Variants in FCHO2 observed in about 807,000 individuals in gnomAD.
FCHO2 encodes the protein FCH and mu domain containing endocytic adaptor 2, also known as F-BAR domain only protein 2.
In FCHO2, 43 loss-of-function variants were observed where a neutral mutation model predicts 114.1. That is an observed-to-expected ratio of 0.38 (90% CI 0.30 to 0.49). The LOEUF is 0.49. Among genes scored for constraint, FCHO2 ranks in the 20% least tolerant of loss-of-function variants. The pLI, the probability that FCHO2 is intolerant of heterozygous loss-of-function variation, is 0.97. For synonymous variants in FCHO2, 293 were observed against 315.2 expected (o/e 0.93, Z 0.75); for missense variants, 807 against 950.4 (o/e 0.85, Z 1.98).
At chr5:73,003,155 T>A (rs1754535667) in intron 5 of FCHO2, among the ~76,000 whole-genome samples, 2 of 151,952 alleles carry the variant, frequency 1.3e-5, no homozygotes, top group Non-Finnish European at 2.9e-5. Flanking sequence ...CAGGTGTGTG[T>A]CACTGTGCCT....
At chr5:73,076,542 A>G (rs1333536682) in intron 20 of FCHO2, among the ~76,000 whole-genome samples, 2 of 152,222 alleles carry the variant, frequency 1.3e-5, no homozygotes, top group Non-Finnish European at 2.9e-5. Context: ...GAACAATCAC[A>G]TGAATGAAGT....
At chr5:72,992,840 G>A (rs755689266) in intron 5 of FCHO2, among the ~76,000 whole-genome samples, 10 of 152,082 alleles carry the variant, frequency 6.6e-5, no homozygotes, top group Non-Finnish European at 7.4e-5. Flanking sequence ...AAAACTGCTT[G>A]GGGATGGGTG....
chr5:73,029,828 T>G (rs1273448436), intron 8 of FCHO2, among the ~76,000 whole-genome samples: 1 of 152,156 alleles, frequency 6.6e-6, no homozygotes, highest in Non-Finnish European at 1.5e-5. Context: ...ACCAAGGGGA[T>G]GATGCTAAGC....
intron 17 of FCHO2, 125 bp from the exon 18 acceptor site, chr5:73,063,716 T>TA (rs34146559): frequency 2.5e-6 from 2 of 785,168 alleles, no homozygotes; most frequent in Non-Finnish European, 4.3e-6. Context: ...TAATTACATC[T>TA]AAAAAAAGAG....
chr5:73,037,682 C>T (rs1169934431), intron 10 of FCHO2: 2 of 322,384 alleles, frequency 6.2e-6, no homozygotes, highest in East Asian at 2.3e-4. Context: ...GAGAGAAAAG[C>T]CCTAACATTT....
intron 8 of FCHO2, among the ~76,000 whole-genome samples, chr5:73,020,372 T>C (rs1480019472): frequency 1.3e-5 from 2 of 152,230 alleles, no homozygotes; most frequent in Non-Finnish European, 2.9e-5. Context: ...CTTTGCTGGC[T>C]TGTTCTTGGC....
chr5:73,062,887 A>C (rs1490899479), intron 17 of FCHO2, among the ~76,000 whole-genome samples: 3 of 151,784 alleles, frequency 2.0e-5, no homozygotes, highest in Admixed American at 2.0e-4. Flanking sequence ...ATATATTTTT[A>C]ATTTTGTACA....
Position 73,046,120 on chromosome 5 carries a change from G to A in FCHO2, c.939+4805G>A, listed in dbSNP as rs183587651. Among the ~76,000 whole-genome samples, 629 of 152,152 alleles carry A rather than the reference G, an allele frequency of 4.1e-3. 4 individuals carry two copies. Among genetic ancestry groups the A allele is most frequent in the African/African-American group, 0.014 (595 of 41,490 alleles). On this transcript the variant is annotated intron_variant, in intron 11 of 25. Coordinates refer to ENST00000430046, the MANE Select transcript of FCHO2 (RefSeq NM_138782.3). ...TGATCTGTGGCCCAGGCTGGAGTGC[G>A]GTAGCACAATCCTAGCTTACCACAG...
rs369631939 is a variant in FCHO2, at chr5:73,083,054, GT to G, written c.2245+240del. Among the ~76,000 whole-genome samples the G allele has an allele frequency of 8.4e-3, 1,201 of 143,800 alleles. 13 individuals carry two copies. The highest frequency in any genetic ancestry group is 0.028 in the African/African-American group (1,118 of 39,360). The allele number at this position is 143,800 out of a possible 152,430, so 94.3% of individuals were successfully genotyped here. A position where few individuals can be genotyped will look rare whatever the true frequency, so the allele number is the denominator to read the frequency against. ...ACACCCAACTAATTTTTGTTTGTTT[GT>G]TTTTTTTTTTAGTAGAAACAGGGTT... On this transcript the variant is annotated intron_variant, in intron 24 of 25. Transcript: ENST00000430046.
At chr5:72,972,691 A>G (rs559685956) in intron 2 of FCHO2, among the ~76,000 whole-genome samples, 1 of 152,184 alleles carries the variant, frequency 6.6e-6, no homozygotes, top group African/African-American at 2.4e-5. Context: ...AATGCCCTTT[A>G]TTTCCTTCTC....
chr5:72,997,617 G>T, intron 5 of FCHO2: 1 of 1,425,342 alleles, frequency 7.0e-7, no homozygotes, highest in African/African-American at 1.4e-5. Context: ...GTGCTGAGCC[G>T]CAACCTTCAC....
At chr5:72,984,013 A>T (rs572589072) in intron 2 of FCHO2, among the ~76,000 whole-genome samples, 2 of 152,012 alleles carry the variant, frequency 1.3e-5, no homozygotes, top group African/African-American at 4.8e-5. Context: ...TCCTTATTTG[A>T]GAGTTCCAGT....
chr5:73,021,029 T>A, intron 8 of FCHO2: 1 of 1,210,502 alleles, frequency 8.3e-7, no homozygotes, highest in Admixed American at 1.7e-5. Flanking sequence ...TGAGCCAAAG[T>A]TCACATGAAT....
At chr5:72,960,131 T>C (rs1751774880) in intron 1 of FCHO2, among the ~76,000 whole-genome samples, 1 of 152,246 alleles carries the variant, frequency 6.6e-6, no homozygotes, top group African/African-American at 2.4e-5. Flanking sequence ...CTCCCCTACA[T>C]GTATAAAGAC....
chr5:73,077,692 G>A (rs1388763915), intron 21 of FCHO2, among the ~76,000 whole-genome samples, 199 bp downstream of exon 21: 1 of 149,424 alleles, frequency 6.7e-6, no homozygotes, highest in African/African-American at 2.5e-5. Flanking sequence ...CAAAAAACAA[G>A]AACAAAAATT....
At chr5:73,046,365 C>A (rs1315944164) in intron 11 of FCHO2, among the ~76,000 whole-genome samples, 2 of 152,096 alleles carry the variant, frequency 1.3e-5, no homozygotes, top group Admixed American at 1.3e-4. Context: ...CCGTGCCTGG[C>A]CTGTTGATGT....
chr5:73,040,319 G>A (rs1756744902), intron 10 of FCHO2, among the ~76,000 whole-genome samples: 1 of 152,086 alleles, frequency 6.6e-6, no homozygotes, highest in South Asian at 2.1e-4. Context: ...TGAACATTTT[G>A]TTTGAGCATC....
chr5:73,076,533 A>G (rs1411139716), intron 20 of FCHO2, among the ~76,000 whole-genome samples: 1 of 152,112 alleles, frequency 6.6e-6, no homozygotes, highest in Non-Finnish European at 1.5e-5. Context: ...AAAAAGAGGG[A>G]ACAATCACAT....
chr5:72,963,637 C>G (rs902228662), intron 1 of FCHO2, among the ~76,000 whole-genome samples: 1 of 152,020 alleles, frequency 6.6e-6, no homozygotes, highest in Non-Finnish European at 1.5e-5. Context: ...CAGCCTTGAA[C>G]TCCTGGGCTC....
Sources: gnomAD v4.1 joint callset for allele counts (sites outside exome capture counted in the v4.1 genomes callset) on GRCh38, gnomAD v4.1.1 for gene constraint, MANE v1.5 for transcripts, NCBI Gene and HGNC (gene_info 2026-07-23, HGNC 2026-07-21) for gene names.